CNTN5: variants seen among roughly 807,000 people sequenced by gnomAD.
CNTN5 encodes contactin 5, also known as contactin-5.
A neutral mutation model predicts 129.1 loss-of-function variants in CNTN5; 77 were observed. That is an observed-to-expected ratio of 0.60 (90% CI 0.50 to 0.72). The LOEUF (loss-of-function observed/expected upper bound fraction) is 0.72. Ranked by LOEUF, CNTN5 falls within the 30% of genes least tolerant of loss-of-function variation. The pLI is 0.00. For missense variants in CNTN5, 1,478 were observed against 1,328.8 expected, an observed-to-expected ratio of 1.11 and a Z score of -1.75; for synonymous variants, 509 against 465.6, an observed-to-expected ratio of 1.09 and a Z score of -1.20.
At chr11:99,987,565 A>G (rs866132279) in intron 8 of CNTN5, among the ~76,000 whole-genome samples, 1 of 151,248 alleles carries the variant, frequency 6.6e-6, no homozygotes, top group Non-Finnish European at 1.5e-5. Flanking sequence ...ACACACATAC[A>G]TATATGCACA....
chr11:99,527,947 T>G (rs544762647), intron 2 of CNTN5, among the ~76,000 whole-genome samples: 1 of 152,306 alleles, frequency 6.6e-6, no homozygotes, highest in African/African-American at 2.4e-5. Flanking sequence ...ATGCAAATTT[T>G]AGAAAAGGCA....
chr11:99,533,797 T>C (rs763421626), intron 2 of CNTN5, among the ~76,000 whole-genome samples: 1 of 152,174 alleles, frequency 6.6e-6, no homozygotes, highest in Non-Finnish European at 1.5e-5. Flanking sequence ...ATGGCCTCCT[T>C]GGAATATTAG....
At chr11:99,747,694 G>A (rs1253328518) in intron 3 of CNTN5, among the ~76,000 whole-genome samples, 6 of 151,818 alleles carry the variant, frequency 4.0e-5, no homozygotes, top group Admixed American at 1.3e-4. Flanking sequence ...AGGATGGTTC[G>A]ATCTCCTGAC....
intron 13 of CNTN5, among the ~76,000 whole-genome samples, chr11:100,086,556 ATG>A (rs921064626): frequency 9.3e-5 from 14 of 150,896 alleles, no homozygotes; most frequent in Non-Finnish European, 1.3e-4. Flanking sequence ...ATATATATGT[ATG>A]TGTGTGTGTA....
chr11:100,235,792 C>T (rs1476967206), intron 16 of CNTN5, among the ~76,000 whole-genome samples: 1 of 152,094 alleles, frequency 6.6e-6, no homozygotes, highest in African/African-American at 2.4e-5. Flanking sequence ...ATGATGAATG[C>T]CCTCGAACTT....
intron 2 of CNTN5, among the ~76,000 whole-genome samples, chr11:99,508,766 C>T (rs1946724004): frequency 6.6e-6 from 1 of 151,746 alleles, no homozygotes; most frequent in South Asian, 2.1e-4. Flanking sequence ...ACTGTAACTT[C>T]CTCCTCCTGA....
intron 1 of CNTN5, among the ~76,000 whole-genome samples, chr11:99,317,134 T>C (rs765770547): frequency 2.0e-5 from 3 of 152,176 alleles, no homozygotes; most frequent in Non-Finnish European, 2.9e-5. Flanking sequence ...TTCCATGACA[T>C]TGGGCTTAGG....
intron 2 of CNTN5, among the ~76,000 whole-genome samples, chr11:99,481,167 T>C (rs1945585931): frequency 6.6e-6 from 1 of 152,174 alleles, no homozygotes; most frequent in African/African-American, 2.4e-5. Flanking sequence ...CAAAGGTTCT[T>C]GCCACTGGGT....
chr11:100,058,039 A>G, intron 9 of CNTN5, among the ~76,000 whole-genome samples: 1 of 152,116 alleles, frequency 6.6e-6, no homozygotes, highest in East Asian at 1.9e-4. Flanking sequence ...CTGGCTGCAG[A>G]ACCTACACTT....
intron 4 of CNTN5, among the ~76,000 whole-genome samples, chr11:99,828,269 T>A (rs949925320): frequency 3.3e-5 from 5 of 152,196 alleles, no homozygotes; most frequent in Admixed American, 6.5e-5. Context: ...AAACTAATGA[T>A]AGCATTCTGT....
At chr11:99,298,952 C>T (rs1485052708) in intron 1 of CNTN5, among the ~76,000 whole-genome samples, 1 of 152,152 alleles carries the variant, frequency 6.6e-6, no homozygotes, top group East Asian at 1.9e-4. Flanking sequence ...TCTTCCTAAA[C>T]CCTTAAATAC....
chr11:100,164,423 C>T (rs922782325), intron 13 of CNTN5, among the ~76,000 whole-genome samples: 3 of 151,754 alleles, frequency 2.0e-5, no homozygotes, highest in Middle Eastern at 3.4e-3. Flanking sequence ...ATTCTATATA[C>T]CAATCCTCAT....
At chr11:99,622,165 C>G (rs931352841) in intron 3 of CNTN5, among the ~76,000 whole-genome samples, 4 of 152,130 alleles carry the variant, frequency 2.6e-5, no homozygotes, top group African/African-American at 9.7e-5. Context: ...CTTTTTCATT[C>G]ACATGTAGAA....
At chr11:99,314,890 T>C (rs1423665752) in intron 1 of CNTN5, among the ~76,000 whole-genome samples, 1 of 148,178 alleles carries the variant, frequency 6.7e-6, no homozygotes, top group Non-Finnish European at 1.5e-5. Flanking sequence ...AGAGAATATT[T>C]GTTGTATATA....
intron 13 of CNTN5, among the ~76,000 whole-genome samples, chr11:100,092,066 T>C (rs904098149): frequency 2.0e-5 from 3 of 151,896 alleles, no homozygotes; most frequent in African/African-American, 4.9e-5. Context: ...ATGACTACTT[T>C]CATATTACTC....
At position 99,174,085 on chromosome 11, in the gene CNTN5, G is replaced by A. The variant is rs148082344; in HGVS notation, c.-209-151261G>A. 1.4e-4 allele frequency among the ~76,000 whole-genome samples: 22 copies of A among 152,146 alleles called. 1 individual carries two copies. The East Asian group carries it at 3.7e-3, about 25-fold the overall frequency. On this transcript the variant is annotated intron_variant, in intron 1 of 24. Transcript: ENST00000524871. ...GTGTTCTTGGCTCACTGCAATCACC[G>A]CCTCCCAGGTTCAAATGATCTTCCT...
chr11:99,967,294 C>G (rs1433198559), intron 8 of CNTN5, among the ~76,000 whole-genome samples: 1 of 152,282 alleles, frequency 6.6e-6, no homozygotes, highest in Admixed American at 6.5e-5. Flanking sequence ...GAAACACAAT[C>G]ATTTTCCCTT....
At chr11:99,684,101 C>A (rs966508269) in intron 3 of CNTN5, among the ~76,000 whole-genome samples, 1 of 151,760 alleles carries the variant, frequency 6.6e-6, no homozygotes, top group African/African-American at 2.4e-5. Flanking sequence ...CATGCCCCAA[C>A]CCCCGTCTGG....
At chr11:99,121,350 G>C (rs1858317119) in intron 1 of CNTN5, among the ~76,000 whole-genome samples, 2 of 151,946 alleles carry the variant, frequency 1.3e-5, no homozygotes, top group African/African-American at 2.4e-5. Flanking sequence ...GGCTAGACTG[G>C]TCGAACTCCT....
Sources: gnomAD v4.1 joint callset for allele counts (sites outside exome capture counted in the v4.1 genomes callset) on GRCh38, gnomAD v4.1.1 for gene constraint, MANE v1.5 for transcripts, NCBI Gene and HGNC (gene_info 2026-07-23, HGNC 2026-07-21) for gene names.